MYBPHL: variants seen among roughly 807,000 people sequenced by gnomAD.
MYBPHL encodes myosin binding protein H like, also known as myosin-binding protein H-like.
In MYBPHL, 32 loss-of-function variants were observed where a neutral mutation model predicts 39.5. The observed-to-expected ratio is 0.81, with a 90% CI of 0.61 to 1.09. MYBPHL has a LOEUF of 1.09. Among genes scored for constraint, MYBPHL ranks in the 50% least tolerant of loss-of-function variants. MYBPHL has a pLI of 0.00. For synonymous variants in MYBPHL, 196 were observed against 183.7 expected, an observed-to-expected ratio of 1.07 and a Z score of -0.54; for missense variants, 456 against 460.2, an observed-to-expected ratio of 0.99 and a Z score of 0.08.
chr1:109,295,068 G>A, intron 7 of MYBPHL, 43 bp downstream of exon 7: 1 of 1,597,074 alleles, frequency 6.3e-7, no homozygotes, highest in Non-Finnish European at 8.6e-7. Context: ...GGAGAGAGGA[G>A]GTGACTGGCA....
chr1:109,296,894 A>G lies in MYBPHL; in HGVS notation c.619T>C (p.Ser207Pro). The change falls in exon 5 of 9, where the codon TCT becomes CCT. Residue 207 changes from serine (S) to proline (P), a missense_variant. Coordinates refer to ENST00000357155, the MANE Select transcript of MYBPHL (RefSeq NM_001010985.3). ...TAGGAGTTGCCGATGATGAGGTCAGAGACGATGCAGCTGGTGCGGTGATAG... is the reference window on the plus strand; with the variant it reads ...TAGGAGTTGCCGATGATGAGGTCAGGGACGATGCAGCTGGTGCGGTGATAG... ...EHYHRTSCIV[S>P]DLIIGNSYAF... is the part of the protein sequence containing the mutation. 6.2e-7 allele frequency: 1 copy of G among 1,614,126 alleles called. No individual in the cohort carries two copies. Among genetic ancestry groups the G allele is most frequent in the South Asian group, 1.1e-5 (1 of 91,082 alleles).
chr1:109,295,852 G>C (rs1658039107), intron 6 of MYBPHL, among the ~76,000 whole-genome samples: 1 of 152,204 alleles, frequency 6.6e-6, no homozygotes, highest in East Asian at 1.9e-4. Flanking sequence ...CCTTGCTCAG[G>C]GTTGTGGCAA....
chr1:109,300,289 C>A (rs972605764), intron 1 of MYBPHL, among the ~76,000 whole-genome samples: 1 of 152,208 alleles, frequency 6.6e-6, no homozygotes, highest in African/African-American at 2.4e-5. Context: ...CTGAAGGACC[C>A]ATTCTCAGAG....
rs747603034 is a variant in MYBPHL at position 109,302,494 on chromosome 1, G to A, written c.146-4237C>T. Among the ~76,000 whole-genome samples, 8 of 151,556 alleles carry A rather than the reference G, an allele frequency of 5.3e-5. No homozygotes were observed. In the South Asian group the frequency reaches 1.0e-3, roughly 20 times the overall value. On this transcript the variant is annotated intron_variant, in intron 1 of 8. Coordinates refer to ENST00000357155, the MANE Select transcript of MYBPHL (RefSeq NM_001010985.3). The stretch of plus-strand genomic sequence containing the variant: ...TGAGGAAAAGACTCCACCCCACCCC[G>A]TCCCTATGTTACAGTCGTCCCCCTA...
At chr1:109,295,089 C>G (rs1658007775) in intron 7 of MYBPHL, 22 bp downstream of exon 7, 23 of 1,610,046 alleles carry the variant, frequency 1.4e-5, no homozygotes, top group Non-Finnish European at 2.0e-5. Context: ...CCCTAAGGCA[C>G]TAGTTCTCCT....
intron 2 of MYBPHL, 121 bp from the exon 3 acceptor site, chr1:109,297,738 T>G: frequency 1.1e-6 from 1 of 898,950 alleles, no homozygotes; most frequent in Non-Finnish European, 1.7e-6. Context: ...GCACATTCCT[T>G]GAGTTAGAAG....
intron 1 of MYBPHL, among the ~76,000 whole-genome samples, chr1:109,303,007 C>T (rs566600587): frequency 2.7e-4 from 41 of 152,146 alleles, no homozygotes; most frequent in Non-Finnish European, 4.9e-4. Flanking sequence ...GATCACGGGC[C>T]CTAAGGAATG....
At chr1:109,293,761 A>AATT (rs1553186094) in intron 8 of MYBPHL, among the ~76,000 whole-genome samples, 2 of 147,538 alleles carry the variant, frequency 1.4e-5, no homozygotes, top group African/African-American at 5.0e-5. Flanking sequence ...ATAAATAAAT[A>AATT]AATATAAAAA....
rs1289526981 is a variant in MYBPHL, at chr1:109,306,952, T to C, written c.40A>G (p.Lys14Glu). 33 of 1,610,582 alleles carry C rather than the reference T, an allele frequency of 2.0e-5. No homozygotes were observed. The highest frequency in any genetic ancestry group is 2.7e-5 in the African/African-American group (2 of 74,642). ...ATAPEVAAGS[K>E]LKVKEASPAD... ...GGGCTGGCTTCTTTCACCTTCAGCT[T>C]GGATCCTGCGGCCACCTCCGGAGCT... The change falls in exon 1 of 9, where the codon AAG becomes GAG. Residue 14 changes from lysine (K) to glutamate (E), a missense_variant. Physicochemically the swap from Lys to Glu is moderately conservative, Grantham distance 56. Coordinates refer to ENST00000357155, the MANE Select transcript of MYBPHL (RefSeq NM_001010985.3).
intron 1 of MYBPHL, among the ~76,000 whole-genome samples, chr1:109,302,572 C>T (rs565792356): frequency 9.9e-5 from 15 of 152,274 alleles, no homozygotes; most frequent in African/African-American, 2.6e-4. Flanking sequence ...CCTCTCCATG[C>T]GGTATGCCTC....
chr1:109,295,071 GAC>G (rs767562809), intron 7 of MYBPHL, 38 bp downstream of exon 7: 1 of 1,598,836 alleles, frequency 6.3e-7, no homozygotes, highest in South Asian at 1.1e-5. Context: ...GAGAGGAGGT[GAC>G]TGGCACCCTA....
chr1:109,302,654 C>T (rs1658333793), intron 1 of MYBPHL, among the ~76,000 whole-genome samples: 1 of 152,194 alleles, frequency 6.6e-6, no homozygotes, highest in South Asian at 2.1e-4. Flanking sequence ...ATCTGGCCCA[C>T]CACTCCTCCA....
At chr1:109,306,028 G>C (rs181796015) in intron 1 of MYBPHL, among the ~76,000 whole-genome samples, 1 of 152,214 alleles carries the variant, frequency 6.6e-6, no homozygotes, top group Non-Finnish European at 1.5e-5. Context: ...TAGGAATTGA[G>C]CCTAGAGCTT....
At chr1:109,306,795 C>A in intron 1 of MYBPHL, 52 bp downstream of exon 1, 2 of 1,485,162 alleles carry the variant, frequency 1.3e-6, no homozygotes, top group South Asian at 2.7e-5. Flanking sequence ...GCGATGTCTT[C>A]CCCAACTCCC....
rs541725305 is a variant in MYBPHL, at chr1:109,294,709, C to T, written c.1054+402G>A. Among the ~76,000 whole-genome samples, 245 of 152,210 alleles carry T rather than the reference C, an allele frequency of 1.6e-3. 2 individuals are homozygous for T. The highest frequency in any genetic ancestry group is 5.7e-3 in the African/African-American group (235 of 41,528). On this transcript the variant is annotated intron_variant, in intron 7 of 8. Coordinates refer to ENST00000357155, the MANE Select transcript of MYBPHL (RefSeq NM_001010985.3). ...GGGAAGTGAAATAAAGCCTGACAAA[C>T]AGTTGCAGCTTTCCTAGGCTGAGTC...
rs560990988 is a variant in MYBPHL, at chr1:109,297,318, G to A, written c.430+104C>T. The A allele has an allele frequency of 5.6e-5, 88 of 1,558,558 alleles. No individual in the cohort carries two copies. In the African/African-American group the frequency reaches 8.5e-4, roughly 15 times the overall value. ...GCCCACCCTGTGTCCCAGACATGAC[G>A]TGGGAGCCTTGCCGCAGCTTCCCCA... On this transcript the variant is annotated intron_variant, in intron 3 of 8. Coordinates refer to ENST00000357155, the MANE Select transcript of MYBPHL (RefSeq NM_001010985.3).
chr1:109,298,082 T>C (rs1658148051), intron 2 of MYBPHL, 87 bp downstream of exon 2: 6 of 1,162,678 alleles, frequency 5.2e-6, no homozygotes, highest in Non-Finnish European at 3.7e-6. Flanking sequence ...ATTGCCCCTC[T>C]GCTAGCAGGA....
intron 8 of MYBPHL, among the ~76,000 whole-genome samples, chr1:109,293,597 G>T (rs11102968): frequency 6.6e-6 from 1 of 151,130 alleles, no homozygotes; most frequent in Admixed American, 6.6e-5. Context: ...AAAAATTGCC[G>T]GGCGTGGTGG....
chr1:109,306,745 T>C (rs1658482023), intron 1 of MYBPHL, 102 bp downstream of exon 1: 3 of 1,023,458 alleles, frequency 2.9e-6, no homozygotes, highest in East Asian at 2.9e-5. Flanking sequence ...TATAGAGTCT[T>C]TAGCTCTGCA....
Sources: gnomAD v4.1 joint callset for allele counts (sites outside exome capture counted in the v4.1 genomes callset) on GRCh38, gnomAD v4.1.1 for gene constraint, MANE v1.5 for transcripts, NCBI Gene and HGNC (gene_info 2026-07-23, HGNC 2026-07-21) for gene names.